The following GAB2 variants were observed in gnomAD, a reference collection of about 807,000 sequenced individuals.
GAB2 encodes GRB2-associated-binding protein 2.
A neutral mutation model predicts 65.5 loss-of-function variants in GAB2; 26 were observed. The observed-to-expected ratio is 0.40, with a 90% confidence interval of 0.29 to 0.55. The LOEUF (loss-of-function observed/expected upper bound fraction) is 0.55. GAB2 is among the 20% of genes least tolerant of loss of function. The probability of loss-of-function intolerance (pLI) is 0.53; values close to 1 mark genes in which losing one functional copy is unlikely to be tolerated. For missense variants in GAB2, 884 were observed against 875.8 expected (o/e 1.01, Z -0.12); for synonymous variants, 321 against 329.6 (o/e 0.97, Z 0.28).
At chr11:78,346,147 A>G (rs1022865464) in intron 1 of GAB2, among the ~76,000 whole-genome samples, 1 of 152,242 alleles carries the variant, frequency 6.6e-6, no homozygotes, top group Non-Finnish European at 1.5e-5. Context: ...CTTTAAAAAT[A>G]ACAGGCAGAA....
chr11:78,376,744 A>T (rs1250767833), intron 1 of GAB2, among the ~76,000 whole-genome samples: 1 of 152,118 alleles, frequency 6.6e-6, no homozygotes, highest in Non-Finnish European at 1.5e-5. Context: ...CGAGACTGTG[A>T]CTAGGGAAGT....
At chr11:78,387,763 T>G (rs1287999819) in intron 1 of GAB2, among the ~76,000 whole-genome samples, 4 of 152,214 alleles carry the variant, frequency 2.6e-5, no homozygotes, top group African/African-American at 9.6e-5. Context: ...AAAGCTATAT[T>G]CCTACTAAAT....
At chr11:78,398,021 T>TACACAA (rs1178406623) in intron 1 of GAB2, among the ~76,000 whole-genome samples, 1 of 112,480 alleles carries the variant, frequency 8.9e-6, no homozygotes, top group Non-Finnish European at 1.9e-5. Flanking sequence ...TGTGAATAGC[T>TACACAA]ACACACACAC....
At chr11:78,222,028 C>T in intron 7 of GAB2, 77 bp downstream of exon 7, 3 of 949,894 alleles carry the variant, frequency 3.2e-6, no homozygotes, top group Non-Finnish European at 3.5e-6. Flanking sequence ...TGTCCCGGCC[C>T]ACAGGCCAGC....
chr11:78,301,100 T>C (rs1867005788), intron 1 of GAB2, among the ~76,000 whole-genome samples: 1 of 152,142 alleles, frequency 6.6e-6, no homozygotes. Flanking sequence ...TGTTCAATTC[T>C]TTCACCATTT....
chr11:78,220,561 A>C, intron 8 of GAB2, 117 bp from the exon 9 acceptor site: 1 of 808,668 alleles, frequency 1.2e-6, no homozygotes. Context: ...TGACACATGC[A>C]CCATGCTAAG....
intron 1 of GAB2, among the ~76,000 whole-genome samples, chr11:78,395,905 T>C (rs760464358): frequency 4.6e-5 from 7 of 152,220 alleles, no homozygotes; most frequent in Non-Finnish European, 7.4e-5. Flanking sequence ...TTTTTCAAAA[T>C]AGCATCCAAC....
chr11:78,407,638 AAAGAAAGAAAGAAAGAAAGTAAG>A (rs1565188123), intron 1 of GAB2, among the ~76,000 whole-genome samples: 2 of 119,996 alleles, frequency 1.7e-5, no homozygotes, highest in African/African-American at 3.3e-5. Context: ...CTTCTCAAAG[AAAGAAAGAAAGAAAGAAAGTAAG>A]AAAGAAAGAA....
At chr11:78,327,543 T>C (rs1283320212) in intron 1 of GAB2, among the ~76,000 whole-genome samples, 1 of 152,066 alleles carries the variant, frequency 6.6e-6, no homozygotes, top group Non-Finnish European at 1.5e-5. Flanking sequence ...GAGGTAGCAA[T>C]ATTCATGAAG....
intron 1 of GAB2, among the ~76,000 whole-genome samples, chr11:78,323,532 C>T (rs1049568472): frequency 7.9e-5 from 12 of 151,602 alleles, no homozygotes; most frequent in Non-Finnish European, 1.3e-4. Context: ...AAAAAGGAAA[C>T]GAAACCAAAC....
intron 1 of GAB2, among the ~76,000 whole-genome samples, chr11:78,284,195 TCAGTTCAGA>T (rs1267054926): frequency 1.3e-5 from 2 of 152,156 alleles, no homozygotes; most frequent in Admixed American, 6.6e-5. Flanking sequence ...GCAAATCCTG[TCAGTTCAGA>T]CAGTTCAGAA....
chr11:78,407,675 A>AAGAAAGAAATAAAGAAAGAAAGAGATGGC (rs1857068645), intron 1 of GAB2, among the ~76,000 whole-genome samples: 2 of 147,608 alleles, frequency 1.4e-5, no homozygotes, highest in African/African-American at 5.3e-5. Flanking sequence ...GAAAGAAAGA[A>AAGAAAGAAATAAAGAAAGAAAGAGATGGC]AGAAAGAAAG....
chr11:78,377,797 C>T (rs1006795634), intron 1 of GAB2, among the ~76,000 whole-genome samples: 5 of 152,156 alleles, frequency 3.3e-5, no homozygotes, highest in Admixed American at 2.6e-4. Flanking sequence ...ATAAAATTTA[C>T]ACTTCACTCT....
At chr11:78,254,180 A>G (rs1395088218) in intron 2 of GAB2, among the ~76,000 whole-genome samples, 1 of 152,226 alleles carries the variant, frequency 6.6e-6, no homozygotes, top group African/African-American at 2.4e-5. Flanking sequence ...AATGAAATAC[A>G]CATAAGGTCT....
At chr11:78,234,883 G>A (rs1300554198) in intron 3 of GAB2, among the ~76,000 whole-genome samples, 1 of 151,862 alleles carries the variant, frequency 6.6e-6, no homozygotes, top group African/African-American at 2.4e-5. Context: ...GGTGGCACGC[G>A]CCTGTAATCC....
At chr11:78,347,868 G>T (rs1225268566) in intron 1 of GAB2, among the ~76,000 whole-genome samples, 1 of 152,118 alleles carries the variant, frequency 6.6e-6, no homozygotes, top group Admixed American at 6.5e-5. Flanking sequence ...AACAACATGG[G>T]GGTTAGGGGA....
At chr11:78,369,587 A>T (rs1275036782) in intron 1 of GAB2, among the ~76,000 whole-genome samples, 2 of 152,232 alleles carry the variant, frequency 1.3e-5, no homozygotes. Flanking sequence ...TTCATCTGCA[A>T]AACAGGTGTG....
intron 1 of GAB2, among the ~76,000 whole-genome samples, chr11:78,403,416 G>C (rs1038642955): frequency 3.3e-5 from 5 of 152,160 alleles, no homozygotes; most frequent in Admixed American, 2.6e-4. Flanking sequence ...ATAGTAAACA[G>C]AAATTATCTA....
intron 1 of GAB2, among the ~76,000 whole-genome samples, chr11:78,355,061 A>G (rs1856337656): frequency 6.6e-6 from 1 of 152,270 alleles, no homozygotes; most frequent in Non-Finnish European, 1.5e-5. Context: ...ATCTTAAAAC[A>G]GAGACCACAG....
Sources: allele counts gnomAD v4.1 joint callset (sites outside exome capture counted in the v4.1 genomes callset), GRCh38; gene constraint gnomAD v4.1.1; transcripts MANE v1.5; gene names NCBI Gene and HGNC (gene_info 2026-07-23, HGNC 2026-07-21).